UGT8: variants seen among roughly 807,000 people sequenced by gnomAD.
UGT8 encodes the protein UDP glycosyltransferase 8, also known as 2-hydroxyacylsphingosine 1-beta-galactosyltransferase.
Under a neutral mutation model 40.5 loss-of-function variants are expected in UGT8, and 12 were observed. The observed-to-expected ratio is 0.30, with a 90% CI of 0.19 to 0.48. UGT8 has a LOEUF of 0.48. Among genes scored for constraint, UGT8 ranks in the 20% least tolerant of loss-of-function variants. The pLI is 0.99. For missense variants in UGT8, 513 were observed against 648.7 expected (o/e 0.79, Z 2.27); for synonymous variants, 224 against 240.4 (o/e 0.93, Z 0.63).
At chr4:114,634,736 GAATATCT>G (rs1732783371) in intron 2 of UGT8, among the ~76,000 whole-genome samples, 1 of 152,240 alleles carries the variant, frequency 6.6e-6, no homozygotes, top group Admixed American at 6.5e-5. Context: ...GGAACCAGGT[GAATATCT>G]AGTCCTTGAC....
In UGT8 at chr4:114,630,639, A is replaced by ATT. The variant is rs1170965102; in HGVS notation, c.822+6948_822+6949dup. ...TGGTACTTCTGTTTCCATCTTGGGG[A>ATT]TTTTTTTTTTTTCTTTCTTCCATTA... is the stretch of plus-strand genomic sequence containing the variant. On this transcript the variant is annotated intron_variant, in intron 2 of 5. Coordinates refer to ENST00000310836, the MANE Select transcript of UGT8 (RefSeq NM_001128174.3). 7.2e-3 allele frequency among the ~76,000 whole-genome samples: 1,039 copies of ATT among 144,944 alleles called. 13 individuals are homozygous for ATT. Among genetic ancestry groups the ATT allele is most frequent in the African/African-American group, 0.024 (960 of 39,784 alleles).
At chr4:114,663,950 C>T in intron 2 of UGT8, 45 bp from the exon 3 acceptor site, 1 of 1,602,792 alleles carries the variant, frequency 6.2e-7, no homozygotes. Context: ...CAATTATAAA[C>T]TACATTGGTC....
At chr4:114,603,877 C>T (rs1022586966) in intron 1 of UGT8, among the ~76,000 whole-genome samples, 2 of 152,192 alleles carry the variant, frequency 1.3e-5, no homozygotes, top group African/African-American at 4.8e-5. Context: ...GGTCCGTAGT[C>T]ATTTTTGCTT....
intron 1 of UGT8, among the ~76,000 whole-genome samples, chr4:114,618,985 C>G (rs1001437456): frequency 3.3e-5 from 5 of 152,040 alleles, no homozygotes; most frequent in Admixed American, 1.3e-4. Context: ...AATTCTTGGG[C>G]TAATTCCAGT....
chr4:114,633,267 A>T (rs898340800), intron 2 of UGT8, among the ~76,000 whole-genome samples: 7 of 152,208 alleles, frequency 4.6e-5, no homozygotes, highest in Admixed American at 4.6e-4. Flanking sequence ...GAAATAATAA[A>T]GATGTAAACA....
At chr4:114,662,567 C>T (rs4834426) in intron 2 of UGT8, among the ~76,000 whole-genome samples, 134,595 of 152,110 alleles carry the variant, frequency 0.88, 61,223 homozygotes, top group East Asian at 1. Flanking sequence ...ATTTTACTTA[C>T]TCAGTAGCTA....
At chr4:114,643,612 T>G (rs1733365211) in intron 2 of UGT8, among the ~76,000 whole-genome samples, 1 of 152,172 alleles carries the variant, frequency 6.6e-6, no homozygotes. Flanking sequence ...GAGCACAGTA[T>G]GTATTTGGCA....
At chr4:114,654,028 T>A (rs1272836955) in intron 2 of UGT8, among the ~76,000 whole-genome samples, 1 of 152,086 alleles carries the variant, frequency 6.6e-6, no homozygotes, top group Non-Finnish European at 1.5e-5. Flanking sequence ...GTTGGTAATA[T>A]CAGTGGACTT....
intron 2 of UGT8, among the ~76,000 whole-genome samples, chr4:114,654,519 C>T (rs1734061863): frequency 1.3e-5 from 2 of 151,998 alleles, no homozygotes; most frequent in African/African-American, 2.4e-5. Context: ...TCTGGGGAAT[C>T]AGCTAGAACA....
intron 3 of UGT8, among the ~76,000 whole-genome samples, chr4:114,664,854 G>GAA (rs1734755999): frequency 6.6e-6 from 1 of 152,220 alleles, no homozygotes. Flanking sequence ...ATGAGTGGAA[G>GAA]AAAGTGCCCC....
intron 1 of UGT8, among the ~76,000 whole-genome samples, chr4:114,617,446 G>T (rs1731513619): frequency 6.6e-6 from 1 of 152,118 alleles, no homozygotes; most frequent in Non-Finnish European, 1.5e-5. Context: ...TTCCTCTCTT[G>T]AAAGCAAGCA....
intron 2 of UGT8, among the ~76,000 whole-genome samples, chr4:114,662,799 A>G (rs1734622543): frequency 7.0e-6 from 1 of 143,706 alleles, no homozygotes; most frequent in Admixed American, 6.9e-5. Flanking sequence ...GGGTGCAGTG[A>G]TGCCATTGTG....
intron 2 of UGT8, among the ~76,000 whole-genome samples, chr4:114,638,687 C>T (rs1218436899): frequency 1.3e-5 from 2 of 152,190 alleles, no homozygotes; most frequent in East Asian, 3.9e-4. Context: ...TCATTCTGAT[C>T]TTTGGTTATG....
intron 2 of UGT8, chr4:114,663,616 A>C (rs1317609226): frequency 1.1e-6 from 1 of 890,312 alleles, no homozygotes; most frequent in Non-Finnish European, 1.3e-6. Context: ...AATTTTTGCC[A>C]GTATGATTGA....
At chr4:114,644,409 A>AT (rs1322516595) in intron 2 of UGT8, among the ~76,000 whole-genome samples, 1 of 152,098 alleles carries the variant, frequency 6.6e-6, no homozygotes, top group Non-Finnish European at 1.5e-5. Flanking sequence ...TCTGTTTCCC[A>AT]TTTTTAACAT....
At chr4:114,651,250 T>G (rs1341344716) in intron 2 of UGT8, among the ~76,000 whole-genome samples, 1 of 152,116 alleles carries the variant, frequency 6.6e-6, no homozygotes, top group African/African-American at 2.4e-5. Flanking sequence ...TCCTGTGAAG[T>G]TACATAGTAA....
At chr4:114,610,489 A>C (rs533527333) in intron 1 of UGT8, among the ~76,000 whole-genome samples, 1 of 152,200 alleles carries the variant, frequency 6.6e-6, no homozygotes, top group South Asian at 2.1e-4. Flanking sequence ...ATCGGTTATA[A>C]TCATAGATAC....
intron 1 of UGT8, among the ~76,000 whole-genome samples, chr4:114,615,284 A>C (rs1731335795): frequency 6.6e-6 from 1 of 152,116 alleles, no homozygotes; most frequent in Non-Finnish European, 1.5e-5. Context: ...ATGAAATGAG[A>C]TAATGTTTAG....
rs748298837 is a variant in UGT8, at chr4:114,664,068, A to G, written c.896A>G (p.Tyr299Cys). 1.1e-5 allele frequency: 18 copies of G among 1,614,120 alleles called. No individual in the cohort carries two copies. In the South Asian group the frequency reaches 1.9e-4, roughly 17 times the overall value. The change falls in exon 3 of 6, where the codon TAT becomes TGT. Residue 299 changes from tyrosine (Y) to cysteine (C), a missense_variant. Tyr to Cys is a radical substitution (Grantham distance 194). Transcript: ENST00000310836. ...VLVSFGAGVK[Y>C]LSEDIANKLA... ...GTGTCTTTTGGAGCTGGTGTCAAGTATCTGTCAGAAGACATTGCTAACAAA... is the reference window on the plus strand; with the variant it reads ...GTGTCTTTTGGAGCTGGTGTCAAGTGTCTGTCAGAAGACATTGCTAACAAA...
Sources: gnomAD v4.1 joint callset for allele counts (sites outside exome capture counted in the v4.1 genomes callset) on GRCh38, gnomAD v4.1.1 for gene constraint, MANE v1.5 for transcripts, NCBI Gene and HGNC (gene_info 2026-07-23, HGNC 2026-07-21) for gene names.